LOC400499: variants seen among roughly 807,000 people sequenced by gnomAD.
chr16:11,487,974 G>A, the LOC400499 span, among the ~76,000 whole-genome samples: 8 of 151,960 alleles, frequency 5.3e-5, no homozygotes, highest in Admixed American at 3.3e-4. Flanking sequence ...AAAATTAGCC[G>A]GGCATGGTGG....
At chr16:11,392,732 T>G in the LOC400499 span, 1 of 975,144 alleles carries the variant, frequency 1.0e-6, no homozygotes, top group Non-Finnish European at 1.2e-6. Flanking sequence ...CTTCAGGGGG[T>G]TTCCTGAGGT....
At chr16:11,457,412 T>A in the LOC400499 span, among the ~76,000 whole-genome samples, 1 of 151,578 alleles carries the variant, frequency 6.6e-6, no homozygotes, top group Admixed American at 6.6e-5. Context: ...GCTAACACGG[T>A]GAAACCCCGT....
chr16:11,464,627 G>C, the LOC400499 span, among the ~76,000 whole-genome samples: 2 of 152,192 alleles, frequency 1.3e-5, no homozygotes, highest in Non-Finnish European at 2.9e-5. Flanking sequence ...ATCTGCCTCA[G>C]TTTCTTCATC....
At chr16:11,410,656 T>G in the LOC400499 span, among the ~76,000 whole-genome samples, 1 of 152,160 alleles carries the variant, frequency 6.6e-6, no homozygotes, top group Non-Finnish European at 1.5e-5. Context: ...GAAAATGAAG[T>G]GACTAGTTAC....
the LOC400499 span, among the ~76,000 whole-genome samples, chr16:11,419,369 A>C: frequency 6.6e-6 from 1 of 151,942 alleles, no homozygotes; most frequent in African/African-American, 2.4e-5. Context: ...CTATTTAATA[A>C]ATGGTGCTGG....
the LOC400499 span, chr16:11,448,192 A>C: frequency 7.9e-7 from 1 of 1,264,756 alleles, no homozygotes; most frequent in Non-Finnish European, 1.1e-6. Context: ...AGAAATGACT[A>C]TCCGAGAATG....
At chr16:11,420,912 G>A in the LOC400499 span, among the ~76,000 whole-genome samples, 2 of 152,228 alleles carry the variant, frequency 1.3e-5, no homozygotes. Context: ...AGGAGGTCCA[G>A]GTCTGCTGGG....
the LOC400499 span, chr16:11,392,619 G>A: frequency 2.2e-6 from 1 of 462,692 alleles, no homozygotes; most frequent in Non-Finnish European, 3.5e-6. Flanking sequence ...CCTAGGATTT[G>A]AGAACCTTGA....
chr16:11,435,695 C>A, the LOC400499 span: 1 of 399,238 alleles, frequency 2.5e-6, no homozygotes, highest in East Asian at 3.6e-5. Flanking sequence ...CAGCTGCAGC[C>A]GAACAGCCCT....
the LOC400499 span, among the ~76,000 whole-genome samples, chr16:11,450,122 C>G: frequency 6.6e-6 from 1 of 152,240 alleles, no homozygotes; most frequent in Non-Finnish European, 1.5e-5. Context: ...ACCTTCCCCA[C>G]ATCCACGCAT....
the LOC400499 span, among the ~76,000 whole-genome samples, chr16:11,377,276 A>C: frequency 6.6e-6 from 1 of 152,246 alleles, no homozygotes; most frequent in Non-Finnish European, 1.5e-5. Context: ...TTTTCGACAA[A>C]GATGATCATG....
the LOC400499 span, among the ~76,000 whole-genome samples, chr16:11,449,883 C>A: frequency 6.6e-6 from 1 of 152,260 alleles, no homozygotes; most frequent in Non-Finnish European, 1.5e-5. Context: ...CACTTGCCGG[C>A]ACCTCCACTG....
the LOC400499 span, among the ~76,000 whole-genome samples, chr16:11,489,940 C>T: frequency 6.6e-6 from 1 of 152,176 alleles, no homozygotes; most frequent in Admixed American, 6.5e-5. Flanking sequence ...GTGGTTGTTG[C>T]TTCTAACGGC....
the LOC400499 span, among the ~76,000 whole-genome samples, chr16:11,426,093 T>G: frequency 2.0e-5 from 3 of 152,178 alleles, no homozygotes; most frequent in African/African-American, 7.2e-5. Context: ...CATATGAATA[T>G]GTACTAGATT....
At chr16:11,516,603 C>T in the LOC400499 span, among the ~76,000 whole-genome samples, 3 of 152,208 alleles carry the variant, frequency 2.0e-5, no homozygotes, top group South Asian at 2.1e-4. Context: ...CATTCCAAAA[C>T]GCCTCACTTA....
chr16:11,465,701 G>A, the LOC400499 span, among the ~76,000 whole-genome samples: 1 of 151,880 alleles, frequency 6.6e-6, no homozygotes, highest in African/African-American at 2.4e-5. Context: ...TGAGCCCAGG[G>A]GTTTGAGGCT....
the LOC400499 span, chr16:11,393,655 G>T: frequency 2.4e-5 from 26 of 1,090,124 alleles, no homozygotes; most frequent in Non-Finnish European, 2.9e-5. Context: ...GCTGGCTGGG[G>T]AGGCTGCTGT....
chr16:11,468,969 T>G, the LOC400499 span, among the ~76,000 whole-genome samples: 6 of 152,252 alleles, frequency 3.9e-5, no homozygotes, highest in African/African-American at 1.4e-4. Flanking sequence ...ATATCCATTT[T>G]TAACATCAAT....
chr16:11,443,181 G>A, the LOC400499 span, among the ~76,000 whole-genome samples: 10 of 151,596 alleles, frequency 6.6e-5, no homozygotes, highest in South Asian at 2.1e-4. Context: ...AAAATTAGCC[G>A]GGTGTGGTCA....
Sources: allele counts gnomAD v4.1 joint callset (sites outside exome capture counted in the v4.1 genomes callset), GRCh38; gene constraint gnomAD v4.1.1; transcripts MANE v1.5.